ARID1B: variants seen among roughly 807,000 people sequenced by gnomAD.
ARID1B encodes AT-rich interactive domain-containing protein 1B.
Under a neutral mutation model 212.3 loss-of-function variants are expected in ARID1B, and 30 were observed. The ratio of observed to expected loss-of-function variants is 0.14; its 90% CI spans 0.11 to 0.19. The LOEUF (loss-of-function observed/expected upper bound fraction) is 0.19, where lower values mean the gene tolerates loss of function less well. Ranked by LOEUF, ARID1B falls within the 10% of genes least tolerant of loss-of-function variation. The probability of loss-of-function intolerance (pLI) is 1.00; values close to 1 mark genes in which losing one functional copy is unlikely to be tolerated. For missense variants in ARID1B, 2,891 were observed against 3,204.0 expected (o/e 0.90, Z 2.36); for synonymous variants, 1,402 against 1,301.7 (o/e 1.08, Z -1.66).
chr6:157,181,196 A>T lies in ARID1B; in HGVS notation c.3714+18A>T. The stretch of plus-strand genomic sequence containing the variant: ...TGGCCCAGGTAAGAATGAGTGAGGG[A>T]GGGGGTGAAAAAGGAAGCATTGTGG... On this transcript the variant is annotated intron_variant, in intron 12 of 19. Transcript: ENST00000636930. 1 of 1,612,100 alleles carries T rather than the reference A, an allele frequency of 6.2e-7. No homozygotes were observed. Among genetic ancestry groups the T allele is most frequent in the Non-Finnish European group, 8.5e-7 (1 of 1,178,354 alleles).
Position 156,974,653 on chromosome 6 carries a change from A to G in ARID1B, c.2247+39077A>G, listed in dbSNP as rs1054321261. On this transcript the variant is annotated intron_variant, in intron 4 of 19. Transcript: ENST00000636930. Reference sequence around the variant, plus strand: ...TAGAAAAATCTTTACTTTTTCTTAGATACTGGCAGAGTTGTTTTAACTCAG... The same window carrying G: ...TAGAAAAATCTTTACTTTTTCTTAGGTACTGGCAGAGTTGTTTTAACTCAG... Among the ~76,000 whole-genome samples the G allele has an allele frequency of 3.9e-5, 6 of 152,240 alleles. No homozygotes were observed. The South Asian group carries it at 6.2e-4, about 16-fold the overall frequency.
chr6:157,184,444 C>T lies in ARID1B; in HGVS notation c.3919+9C>T, dbSNP rs368507254. The T allele has an allele frequency of 1.4e-5, 22 of 1,613,676 alleles. No homozygotes were observed. The highest frequency in any genetic ancestry group is 2.2e-5 in the East Asian group (1 of 44,878). ...CCAGCCGCCATCTCCTGGTAAGTGGCGGCGCTGCAGTCACTGGCCCAGGAA... is the reference window on the plus strand; with the variant it reads ...CCAGCCGCCATCTCCTGGTAAGTGGTGGCGCTGCAGTCACTGGCCCAGGAA... On this transcript the variant is annotated intron_variant, in intron 13 of 19. Coordinates refer to ENST00000636930, the MANE Select transcript of ARID1B (RefSeq NM_001374828.1).
At chr6:157,116,250 C>G (rs539921381) in intron 6 of ARID1B, among the ~76,000 whole-genome samples, 1 of 152,112 alleles carries the variant, frequency 6.6e-6, no homozygotes, top group South Asian at 2.1e-4. Flanking sequence ...CTAACAAATG[C>G]CCTTCTAGTT....
At chr6:156,813,270 A>ATTT (rs553503458) in intron 1 of ARID1B, among the ~76,000 whole-genome samples, 3 of 138,250 alleles carry the variant, frequency 2.2e-5, no homozygotes, top group Non-Finnish European at 3.1e-5. Flanking sequence ...CGCCCTGCTA[A>ATTT]TTTTTTTTTT....
chr6:157,139,723 T>A (rs950923097), intron 7 of ARID1B, among the ~76,000 whole-genome samples: 1 of 151,382 alleles, frequency 6.6e-6, no homozygotes, highest in East Asian at 1.9e-4. Flanking sequence ...TATATATAAT[T>A]ATTATTTTTT....
At position 156,778,806 on chromosome 6, in the gene ARID1B, A is replaced by G; in HGVS notation, c.1126A>G (p.Ser376Gly). 3 of 1,487,008 alleles carry G rather than the reference A, an allele frequency of 2.0e-6. No homozygotes were observed. The highest frequency in any genetic ancestry group is 1.3e-5 in the South Asian group (1 of 78,746). 92.1% of individuals were successfully genotyped at this position (1,487,008 alleles called of 1,614,324 possible). ...GAACTCCCACGAAGGGTACCCCAACAGCCAGTGCAACCATTATCCGGGCTA... is the reference window on the plus strand; with the variant it reads ...GAACTCCCACGAAGGGTACCCCAACGGCCAGTGCAACCATTATCCGGGCTA... ...LQNSHEGYPN[S>G]QCNHYPGYSR... Residue 376 changes from serine (S) to glycine (G), a missense_variant, in exon 1 of 20, where the codon AGC (serine) becomes GGC (glycine). This residue lies in a region of ARID1B where 1,643 missense variants were observed against 1,544.0 expected (regional missense o/e 1.06). Transcript: ENST00000636930.
At chr6:156,823,444 C>T (rs1015120843) in intron 1 of ARID1B, among the ~76,000 whole-genome samples, 9 of 152,154 alleles carry the variant, frequency 5.9e-5, no homozygotes, top group African/African-American at 2.2e-4. Context: ...CCCCTACTTC[C>T]TTGCTGGGCA....
At chr6:156,951,662 C>T (rs1793600071) in intron 4 of ARID1B, among the ~76,000 whole-genome samples, 2 of 152,228 alleles carry the variant, frequency 1.3e-5, no homozygotes, top group Admixed American at 1.3e-4. Context: ...CCAGGATGGT[C>T]TCAATCTCCT....
intron 13 of ARID1B, among the ~76,000 whole-genome samples, chr6:157,187,034 G>A (rs567085783): frequency 1.3e-5 from 2 of 152,324 alleles, no homozygotes; most frequent in African/African-American, 4.8e-5. Context: ...CTGTCTTCCA[G>A]CCACCAGAGC....
At chr6:157,119,302 C>A (rs12660478) in intron 6 of ARID1B, among the ~76,000 whole-genome samples, 20 of 152,032 alleles carry the variant, frequency 1.3e-4, no homozygotes, top group African/African-American at 4.8e-4. Flanking sequence ...CTCCTCAGAC[C>A]GGTGAGAGCA....
At position 157,201,783 on chromosome 6, in the gene ARID1B, G is replaced by A. The variant is rs183278147; in HGVS notation, c.5263+295G>A. On this transcript the variant is annotated intron_variant, in intron 18 of 19. Coordinates refer to ENST00000636930, the MANE Select transcript of ARID1B (RefSeq NM_001374828.1). This position sits in a 1 kb window ranked among gnomAD's most constrained non-coding sequence, Gnocchi z 5.2. The stretch of plus-strand genomic sequence containing the variant: ...AGATCGAGACCATCCTGGATAACAC[G>A]GTGAAATAAAATGGTAGTTTTACGT... 5.3e-5 allele frequency among the ~76,000 whole-genome samples: 8 copies of A among 152,238 alleles called. No individual in the cohort carries two copies. Among genetic ancestry groups the A allele is most frequent in the Admixed American group, 2.0e-4 (3 of 15,298 alleles).
chr6:156,886,451 G>A (rs1582876288), intron 2 of ARID1B, among the ~76,000 whole-genome samples: 1 of 152,136 alleles, frequency 6.6e-6, no homozygotes, highest in Non-Finnish European at 1.5e-5. Context: ...CACCCCTGCT[G>A]GCTCTCTTGT....
intron 3 of ARID1B, among the ~76,000 whole-genome samples, chr6:156,929,167 A>G (rs568372785): frequency 1.2e-4 from 18 of 152,310 alleles, no homozygotes; most frequent in African/African-American, 3.8e-4. Context: ...TGAACCGTGC[A>G]CACTACCTCT....
At chr6:157,097,938 C>T (rs186138755) in intron 5 of ARID1B, among the ~76,000 whole-genome samples, 3 of 152,282 alleles carry the variant, frequency 2.0e-5, no homozygotes, top group African/African-American at 7.2e-5. Flanking sequence ...TACAAAATTG[C>T]AAGGTTGTTA....
At chr6:156,783,282 G>A (rs1193916532) in intron 1 of ARID1B, among the ~76,000 whole-genome samples, 1 of 151,062 alleles carries the variant, frequency 6.6e-6, no homozygotes, top group Non-Finnish European at 1.5e-5. Context: ...ACCTCTGAAT[G>A]TCATTTTCCT....
chr6:156,913,810 G>A (rs544346529), intron 3 of ARID1B, among the ~76,000 whole-genome samples: 10 of 123,402 alleles, frequency 8.1e-5, no homozygotes, highest in South Asian at 2.8e-4. Context: ...ATCCCAGCCC[G>A]TGAACCACCA....
intron 4 of ARID1B, among the ~76,000 whole-genome samples, chr6:157,040,343 C>G (rs1205670063): frequency 6.6e-6 from 1 of 152,226 alleles, no homozygotes; most frequent in South Asian, 2.1e-4. Flanking sequence ...AAAGGTAACT[C>G]AAGTGTCTAA....
chr6:157,149,164 G>A (rs1349697933), intron 8 of ARID1B: 3 of 583,552 alleles, frequency 5.1e-6, no homozygotes, highest in Non-Finnish European at 6.1e-6. Context: ...AGGAAGGAAT[G>A]TGAGCGGTGA....
At chr6:157,047,700 T>G (rs943687856) in intron 4 of ARID1B, among the ~76,000 whole-genome samples, 1 of 152,230 alleles carries the variant, frequency 6.6e-6, no homozygotes, top group Admixed American at 6.5e-5. Context: ...AGCAAGGAGT[T>G]ATGCTGGAAG....
Sources: gnomAD v4.1 joint callset for allele counts (sites outside exome capture counted in the v4.1 genomes callset) on GRCh38, gnomAD v4.1.1 for gene constraint, gnomAD v4.1.1 regional missense constraint, Gnocchi (gnomAD v3.1) non-coding constraint, MANE v1.5 for transcripts, NCBI Gene and HGNC (gene_info 2026-07-23, HGNC 2026-07-21) for gene names.